TFE3: variants seen among roughly 807,000 people sequenced by gnomAD.
TFE3 encodes the protein transcription factor binding to IGHM enhancer 3, also known as transcription factor E3.
TFE3 carries 5 observed loss-of-function variants against 35.0 expected under a neutral mutation model. The observed-to-expected ratio is 0.14, with a 90% CI of 0.07 to 0.30. The LOEUF is 0.30. TFE3 is among the 10% of genes least tolerant of loss of function. TFE3 has a pLI of 1.00. For missense variants in TFE3, 374 were observed against 496.6 expected, an observed-to-expected ratio of 0.75 and a Z score of 2.35; for synonymous variants, 211 against 215.6, an observed-to-expected ratio of 0.98 and a Z score of 0.18.
intron 3 of TFE3, 126 bp downstream of exon 3, chrX:49,038,981 G>A (rs2064745636): frequency 3.9e-5 from 26 of 664,105 alleles, no homozygotes; most frequent in African/African-American, 4.6e-5. Flanking sequence ...ACAGTACCAG[G>A]GACCTTCCTT....
chrX:49,029,815 C>G lies in TFE3; in HGVS notation c.*343G>C, dbSNP rs782535682. On this transcript the variant is annotated 3_prime_UTR_variant, in exon 10 of 10. Coordinates refer to ENST00000315869, the MANE Select transcript of TFE3 (RefSeq NM_006521.6). The stretch of plus-strand genomic sequence containing the variant: ...TAGGACAGTCCCTAGGGGACAGGGT[C>G]GAGACCTCATCCTGTCTCCTTCCCT... 7 of 476,690 alleles carry G rather than the reference C, an allele frequency of 1.5e-5. No individual in the cohort carries two copies. Among genetic ancestry groups the G allele is most frequent in the Non-Finnish European group, 2.0e-5 (5 of 255,443 alleles). 39.3% of individuals were successfully genotyped at this position (476,690 alleles called of 1,213,427 possible).
chrX:49,043,349 T>G lies in TFE3; in HGVS notation c.-123A>C. 2 of 501,012 alleles carry G rather than the reference T, an allele frequency of 4.0e-6. No homozygotes were observed. The highest frequency in any genetic ancestry group is 3.0e-6 in the Non-Finnish European group (1 of 332,421). The allele number at this position is 501,012 out of a possible 1,213,427, so 41.3% of individuals were successfully genotyped here. A position where few individuals can be genotyped will look rare whatever the true frequency, so the allele number is the denominator to read the frequency against. On this transcript the variant is annotated 5_prime_UTR_variant, in exon 1 of 10. Transcript: ENST00000315869. Reference sequence around the variant, plus strand: ...CGCCTCCTCCGCTAAGCCATGGAGCTAGCACTGCGCGGGCGGGCGGCGTCG... The same window carrying G: ...CGCCTCCTCCGCTAAGCCATGGAGCGAGCACTGCGCGGGCGGGCGGCGTCG...
chrX:49,031,569 G>A (rs781999503), intron 8 of TFE3, 25 bp from the exon 9 acceptor site: 2 of 1,152,707 alleles, frequency 1.7e-6, no homozygotes, highest in East Asian at 6.4e-5. Context: ...TGGGAGGCAA[G>A]CAGGAAATGC....
chrX:49,042,110 A>T lies in TFE3; in HGVS notation c.116+1001T>A, dbSNP rs782052564. On this transcript the variant is annotated intron_variant, in intron 1 of 9. Transcript: ENST00000315869. ...AGGGAGGGCTGGGGCTCCAAAGCCCATTGATGAAAGTAAGGATGAGAAGAG... is the reference window on the plus strand; with the variant it reads ...AGGGAGGGCTGGGGCTCCAAAGCCCTTTGATGAAAGTAAGGATGAGAAGAG... Among the ~76,000 whole-genome samples, 14 of 111,770 alleles carry T rather than the reference A, an allele frequency of 1.3e-4. No homozygotes were observed. In the South Asian group the frequency reaches 3.7e-3, roughly 30 times the overall value.
intron 8 of TFE3, among the ~76,000 whole-genome samples, chrX:49,032,822 G>A (rs1282529643): frequency 9.2e-6 from 1 of 108,895 alleles, no homozygotes; most frequent in Non-Finnish European, 1.9e-5. Flanking sequence ...TTACAGGTGC[G>A]TGCCACCACG....
intron 8 of TFE3, among the ~76,000 whole-genome samples, chrX:49,032,807 G>C (rs1211400250): frequency 9.3e-6 from 1 of 108,050 alleles, no homozygotes; most frequent in Non-Finnish European, 1.9e-5. Flanking sequence ...CCCGAGTAGC[G>C]GGGATTACAG....
Position 49,039,239 on chromosome X carries a change from C to G in TFE3, c.402G>C (p.Arg134=). ...QAQEQERRER[R]EQAAAAPFPS... is the part of the protein sequence containing the mutation. ...GGAAGGGAGCCGCGGCGGCCTGTTCCCGACGCTCACGCCTCTCCTGCTCCT... is the reference window on the plus strand; with the variant it reads ...GGAAGGGAGCCGCGGCGGCCTGTTCGCGACGCTCACGCCTCTCCTGCTCCT... The change falls in exon 3 of 10, where the codon CGG becomes CGC. Residue 134 remains arginine, a synonymous_variant. Coordinates refer to ENST00000315869, the MANE Select transcript of TFE3 (RefSeq NM_006521.6). 2 of 1,206,114 alleles carry G rather than the reference C, an allele frequency of 1.7e-6. No individual in the cohort carries two copies. Among genetic ancestry groups the G allele is most frequent in the Non-Finnish European group, 2.2e-6 (2 of 892,859 alleles).
intron 5 of TFE3, among the ~76,000 whole-genome samples, chrX:49,035,386 G>C (rs1389324685): frequency 4.1e-5 from 4 of 96,734 alleles, no homozygotes; most frequent in Non-Finnish European, 8.1e-5. Flanking sequence ...ACTTCTTCAT[G>C]AGTTTTAATC....
intron 1 of TFE3, 71 bp downstream of exon 1, chrX:49,043,040 G>GC: frequency 1.1e-6 from 1 of 942,651 alleles, no homozygotes; most frequent in Non-Finnish European, 1.4e-6. Context: ...CCAGTCCGGG[G>GC]CCCCCACTGC....
chrX:49,029,537 G>A lies in TFE3; in HGVS notation c.*621C>T. 3.3e-6 allele frequency: 1 copy of A among 304,463 alleles called. No homozygotes were observed. Among genetic ancestry groups the A allele is most frequent in the East Asian group, 5.3e-5 (1 of 18,697 alleles). 25.1% of individuals were successfully genotyped at this position (304,463 alleles called of 1,213,427 possible). ...TGCTGGGCTGTTCCTATAGGGAAGG[G>A]GTGGGGCCTGGCTCCTCCATTCCTA... On this transcript the variant is annotated 3_prime_UTR_variant, in exon 10 of 10. Coordinates refer to ENST00000315869, the MANE Select transcript of TFE3 (RefSeq NM_006521.6).
At chrX:49,031,647 A>T in intron 8 of TFE3, 103 bp from the exon 9 acceptor site, 1 of 922,729 alleles carries the variant, frequency 1.1e-6, no homozygotes, top group Non-Finnish European at 1.5e-6. Context: ...CCACATGCTT[A>T]GAACTTGAGG....
chrX:49,031,722 G>T, intron 8 of TFE3, 178 bp from the exon 9 acceptor site: 1 of 446,498 alleles, frequency 2.2e-6, no homozygotes, highest in Non-Finnish European at 3.6e-6. Context: ...TTACAATGGT[G>T]CCCCATCACA....
At position 49,034,107 on chromosome X, in the gene TFE3, C is replaced by A. The variant is rs1557074264; in HGVS notation, c.1003+27G>T. ...GGCTCACCTGGGGTAAAGTGTAGGG[C>A]CATGGGGCCAAGACCCTATCACCTA... On this transcript the variant is annotated intron_variant, in intron 6 of 9. Coordinates refer to ENST00000315869, the MANE Select transcript of TFE3 (RefSeq NM_006521.6). 3 of 1,144,627 alleles carry A rather than the reference C, an allele frequency of 2.6e-6. No homozygotes were observed. The Admixed American group carries it at 6.5e-5, about 25-fold the overall frequency. The allele number at this position is 1,144,627 out of a possible 1,213,427, so 94.3% of individuals were successfully genotyped here.
At chrX:49,041,902 C>T (rs2064762167) in intron 1 of TFE3, among the ~76,000 whole-genome samples, 1 of 111,810 alleles carries the variant, frequency 8.9e-6, no homozygotes, top group South Asian at 3.7e-4. Flanking sequence ...AAGGATCTGT[C>T]TTCCTTCCTC....
chrX:49,036,998 T>C (rs921690699), intron 5 of TFE3, among the ~76,000 whole-genome samples: 1 of 111,051 alleles, frequency 9.0e-6, no homozygotes, highest in East Asian at 2.8e-4. Flanking sequence ...CACAGCAAGT[T>C]TGAAAACTTT....
chrX:49,035,760 T>C (rs1184385419), intron 5 of TFE3, among the ~76,000 whole-genome samples: 3 of 110,444 alleles, frequency 2.7e-5, no homozygotes, highest in African/African-American at 9.9e-5. Context: ...GGTCCCATTC[T>C]CTAGTTGTGT....
rs1557074116 is a variant in TFE3 at position 49,033,467 on chromosome X, G to A, written c.1134C>T (p.Asp378=). ...TGAGGGTCCCAGCCCAGACTCACGG[G>A]TCACTGGACTTAGGGATGAGAGTGC... is the stretch of plus-strand genomic sequence containing the variant. The part of the protein sequence containing the change: ...ELGTLIPKSS[D]PEMRWNKGTI... Residue 378 remains aspartate, a splice_region_variant and synonymous_variant, in exon 8 of 10, where the codon GAC becomes GAT. Transcript: ENST00000315869. 8.3e-7 allele frequency: 1 copy of A among 1,210,902 alleles called. No homozygotes were observed. Among genetic ancestry groups the A allele is most frequent in the Non-Finnish European group, 1.1e-6 (1 of 895,107 alleles).
intron 8 of TFE3, 109 bp downstream of exon 8, chrX:49,033,356 A>C (rs2064710261): frequency 1.5e-6 from 1 of 686,764 alleles, no homozygotes. Flanking sequence ...CAGACAGAGG[A>C]GAAATGCCTG....
At chrX:49,036,498 AT>A (rs1328162887) in intron 5 of TFE3, among the ~76,000 whole-genome samples, 7,813 of 102,740 alleles carry the variant, frequency 0.076, 982 homozygotes, top group African/African-American at 0.27. Flanking sequence ...TAAAAAATAA[AT>A]AAATAAATAA....
Sources: gnomAD v4.1 joint callset for allele counts (sites outside exome capture counted in the v4.1 genomes callset) on GRCh38, gnomAD v4.1.1 for gene constraint, MANE v1.5 for transcripts, NCBI Gene and HGNC (gene_info 2026-07-23, HGNC 2026-07-21) for gene names.